Variants in CYP20A1 observed in about 807,000 individuals in gnomAD.
The protein encoded by CYP20A1 is cytochrome P450 20A1.
A neutral mutation model predicts 61.4 loss-of-function variants in CYP20A1; 61 were observed. The observed-to-expected ratio is 0.99, with a 90% CI of 0.81 to 1.23. The LOEUF (loss-of-function observed/expected upper bound fraction) is 1.23. Ranked by LOEUF, CYP20A1 falls within the 50% of genes most tolerant of loss-of-function variation. The probability of loss-of-function intolerance (pLI) is 0.00; values close to 1 mark genes in which losing one functional copy is unlikely to be tolerated. For synonymous variants in CYP20A1, 193 were observed against 188.2 expected (o/e 1.03, Z -0.21); for missense variants, 530 against 542.4 (o/e 0.98, Z 0.23).
At chr2:203,294,837 GT>G (rs1340498877) in intron 11 of CYP20A1, among the ~76,000 whole-genome samples, 2 of 148,966 alleles carry the variant, frequency 1.3e-5, no homozygotes, top group East Asian at 4.0e-4. Context: ...GTTTCACCAT[GT>G]TGCCCAGGAT....
chr2:203,263,330 G>T (rs1446702774), intron 4 of CYP20A1, among the ~76,000 whole-genome samples: 1 of 139,088 alleles, frequency 7.2e-6, no homozygotes, highest in Admixed American at 7.2e-5. Flanking sequence ...TCCCTCTGTC[G>T]CCAGGCTGGA....
Position 203,299,210 on chromosome 2 carries a change from C to A in CYP20A1, c.*2302C>A, listed in dbSNP as rs888584635. The stretch of plus-strand genomic sequence containing the variant: ...GCCACTGTAGGAAATATGCCAAGTA[C>A]AGATAGTGAGGAAAGAAAGGAAGAA... On this transcript the variant is annotated 3_prime_UTR_variant, in exon 13 of 13. Coordinates refer to ENST00000356079, the MANE Select transcript of CYP20A1 (RefSeq NM_177538.3). Among the ~76,000 whole-genome samples the A allele has an allele frequency of 6.6e-6, 1 of 152,014 alleles. No homozygotes were observed. The highest frequency in any genetic ancestry group is 2.4e-5 in the African/African-American group (1 of 41,378).
In CYP20A1 at chr2:203,303,099, C is replaced by T. The variant is rs2069087264; in HGVS notation, c.*6191C>T. Reference sequence around the variant, plus strand: ...CACTGCAACCCCTGCCTCCCAGGTTCAAGCAATTCTCCTGCCTCAGCCTCC... The same window carrying T: ...CACTGCAACCCCTGCCTCCCAGGTTTAAGCAATTCTCCTGCCTCAGCCTCC... On this transcript the variant is annotated 3_prime_UTR_variant, in exon 13 of 13. Coordinates refer to ENST00000356079, the MANE Select transcript of CYP20A1 (RefSeq NM_177538.3). Among the ~76,000 whole-genome samples the T allele has an allele frequency of 6.6e-6, 1 of 152,114 alleles. No individual in the cohort carries two copies. The highest frequency in any genetic ancestry group is 2.1e-4 in the South Asian group (1 of 4,830).
chr2:203,265,379 T>C (rs1020931481), intron 4 of CYP20A1, among the ~76,000 whole-genome samples: 8 of 152,216 alleles, frequency 5.3e-5, no homozygotes, highest in Non-Finnish European at 1.2e-4. Flanking sequence ...TGGCTTATTA[T>C]AATCTAATGT....
chr2:203,263,891 G>T (rs1187755179), intron 4 of CYP20A1, among the ~76,000 whole-genome samples: 1 of 151,986 alleles, frequency 6.6e-6, no homozygotes, highest in Non-Finnish European at 1.5e-5. Context: ...TTTTTTATAC[G>T]CTTGTTCTTT....
Position 203,242,790 on chromosome 2 carries a change from C to CA in CYP20A1, c.73-3043dup, listed in dbSNP as rs949662533. On this transcript the variant is annotated intron_variant, in intron 1 of 12. Transcript: ENST00000356079. The stretch of plus-strand genomic sequence containing the variant: ...TGGGTGACAGAGTGAGACCATGTCT[C>CA]AAAAAAAAAAAAAGCTTAGGTTGCA... Among the ~76,000 whole-genome samples, 159 of 131,544 alleles carry CA rather than the reference C, an allele frequency of 1.2e-3. 2 individuals carry two copies. Among genetic ancestry groups the CA allele is most frequent in the Admixed American group, 3.3e-3 (42 of 12,860 alleles). The allele number at this position is 131,544 out of a possible 152,430, so 86.3% of individuals were successfully genotyped here.
chr2:203,288,767 G>C (rs1290382478), intron 9 of CYP20A1, among the ~76,000 whole-genome samples: 2 of 152,210 alleles, frequency 1.3e-5, no homozygotes, highest in African/African-American at 2.4e-5. Flanking sequence ...GTTGAAGGAT[G>C]TATGCAGTAG....
chr2:203,287,877 C>G (rs2152105816), intron 9 of CYP20A1, among the ~76,000 whole-genome samples: 2 of 152,020 alleles, frequency 1.3e-5, no homozygotes, highest in South Asian at 4.2e-4. Context: ...CTGGCTTTTG[C>G]ACAAACTACT....
intron 3 of CYP20A1, among the ~76,000 whole-genome samples, chr2:203,248,925 G>A (rs964061033): frequency 2.0e-5 from 3 of 152,086 alleles, no homozygotes; most frequent in Non-Finnish European, 4.4e-5. Context: ...TGCCCAGGCT[G>A]GCCTCCAACT....
chr2:203,293,428 G>T (rs1000378391), intron 11 of CYP20A1, among the ~76,000 whole-genome samples: 1 of 149,966 alleles, frequency 6.7e-6, no homozygotes, highest in Non-Finnish European at 1.5e-5. Context: ...TGTTAGCCAG[G>T]ATGGTCTCGA....
At chr2:203,265,916 C>G (rs2067304922) in intron 4 of CYP20A1, among the ~76,000 whole-genome samples, 1 of 152,150 alleles carries the variant, frequency 6.6e-6, no homozygotes, top group Non-Finnish European at 1.5e-5. Flanking sequence ...GTCTCAACTC[C>G]TGACCTCAGG....
At chr2:203,242,000 C>T (rs1290202386) in intron 1 of CYP20A1, among the ~76,000 whole-genome samples, 3 of 152,144 alleles carry the variant, frequency 2.0e-5, no homozygotes, top group Admixed American at 6.6e-5. Context: ...CATCACCACA[C>T]ACAGCTAATT....
chr2:203,290,823 A>G (rs2068501159), intron 10 of CYP20A1, among the ~76,000 whole-genome samples: 1 of 151,926 alleles, frequency 6.6e-6, no homozygotes, highest in South Asian at 2.1e-4. Flanking sequence ...TTATATTTTT[A>G]GTAGAGATGG....
At chr2:203,258,789 C>G (rs1226367157) in intron 4 of CYP20A1, among the ~76,000 whole-genome samples, 1 of 152,084 alleles carries the variant, frequency 6.6e-6, no homozygotes, top group African/African-American at 2.4e-5. Context: ...TTTTGTTTGC[C>G]ATAGCTGTTC....
At chr2:203,263,417 G>A (rs2067213491) in intron 4 of CYP20A1, among the ~76,000 whole-genome samples, 1 of 151,726 alleles carries the variant, frequency 6.6e-6, no homozygotes, top group African/African-American at 2.4e-5. Context: ...AGCCTCCCGA[G>A]TAGCTGGGAT....
At chr2:203,295,831 C>G (rs2068767996) in intron 11 of CYP20A1, among the ~76,000 whole-genome samples, 1 of 152,036 alleles carries the variant, frequency 6.6e-6, no homozygotes, top group East Asian at 1.9e-4. Context: ...CACCTGTAGT[C>G]CCAGCTACTT....
intron 8 of CYP20A1, among the ~76,000 whole-genome samples, chr2:203,282,665 A>G (rs1230597663): frequency 6.6e-6 from 1 of 151,970 alleles, no homozygotes; most frequent in Non-Finnish European, 1.5e-5. Context: ...GAGTATTGCT[A>G]TGTATTTGGA....
At chr2:203,251,815 A>ATATATG (rs377306363) in intron 3 of CYP20A1, 152 bp from the exon 4 acceptor site, 1,007 of 86,674 alleles carry the variant, frequency 0.012, 19 homozygotes, top group South Asian at 0.022. Context: ...ATATATATAT[A>ATATATG]TAAAAAATAA....
At chr2:203,240,720 GA>G (rs1194413316) in intron 1 of CYP20A1, among the ~76,000 whole-genome samples, 1 of 152,160 alleles carries the variant, frequency 6.6e-6, no homozygotes, top group Non-Finnish European at 1.5e-5. Flanking sequence ...AAAGCAAGGG[GA>G]CCAGTGTGGT....
Sources: gnomAD v4.1 joint callset for allele counts (sites outside exome capture counted in the v4.1 genomes callset) on GRCh38, gnomAD v4.1.1 for gene constraint, MANE v1.5 for transcripts, NCBI Gene and HGNC (gene_info 2026-07-23, HGNC 2026-07-21) for gene names.